The following LBH variants were observed in gnomAD, a reference collection of about 807,000 sequenced individuals.
LBH encodes the protein protein LBH.
In LBH, 7 loss-of-function variants were observed where a neutral mutation model predicts 12.5. The observed-to-expected ratio is 0.56, with a 90% CI of 0.32 to 1.05. LBH has a LOEUF of 1.05. Among genes scored for constraint, LBH ranks in the 50% least tolerant of loss-of-function variants. The probability of loss-of-function intolerance (pLI) is 0.04; values close to 1 mark genes in which losing one functional copy is unlikely to be tolerated. For synonymous variants in LBH, 51 were observed against 50.1 expected (o/e 1.02, Z -0.08); for missense variants, 119 against 138.9 (o/e 0.86, Z 0.72).
chr2:30,246,808 C>A (rs74796885), intron 2 of LBH, among the ~76,000 whole-genome samples: 4 of 95,686 alleles, frequency 4.2e-5, no homozygotes, highest in Non-Finnish European at 5.7e-5. Flanking sequence ...TCACTCACTC[C>A]CTCCCTCCCT....
chr2:30,252,587 A>G (rs1351072790), intron 2 of LBH, among the ~76,000 whole-genome samples: 1 of 152,094 alleles, frequency 6.6e-6, no homozygotes, highest in African/African-American at 2.4e-5. Flanking sequence ...GCGTGAACCC[A>G]GGAGGCGGAG....
At position 30,259,179 on chromosome 2, in the gene LBH, G is replaced by T. The variant is rs917509530; in HGVS notation, c.*1558G>T. 6.5e-6 allele frequency: 1 copy of T among 152,766 alleles called. No individual in the cohort carries two copies. Among genetic ancestry groups the T allele is most frequent in the Non-Finnish European group, 1.5e-5 (1 of 68,106 alleles). The allele number at this position is 152,766 out of a possible 1,614,324, so 9.5% of individuals were successfully genotyped here. On this transcript the variant is annotated 3_prime_UTR_variant, in exon 3 of 3. Coordinates refer to ENST00000395323, the MANE Select transcript of LBH (RefSeq NM_030915.4). ...TCCAGGTTGACCCTCAGTTCTGGACGTGTGTATATAGCTGTATTTAATACC... is the reference window on the plus strand; with the variant it reads ...TCCAGGTTGACCCTCAGTTCTGGACTTGTGTATATAGCTGTATTTAATACC...
At chr2:30,235,146 A>G (rs1398636559) in intron 2 of LBH, among the ~76,000 whole-genome samples, 1 of 152,204 alleles carries the variant, frequency 6.6e-6, no homozygotes, top group South Asian at 2.1e-4. Context: ...AAAAGGGACC[A>G]GAGTGAGCCC....
rs1678164861 is a variant in LBH at position 30,259,811 on chromosome 2, C to A, written c.*2190C>A. 6.6e-6 allele frequency: 1 copy of A among 151,802 alleles called. No homozygotes were observed. Among genetic ancestry groups the A allele is most frequent in the South Asian group, 2.1e-4 (1 of 4,782 alleles). 9.4% of individuals were successfully genotyped at this position (151,802 alleles called of 1,614,324 possible). A position where few individuals can be genotyped will look rare whatever the true frequency, so the allele number is the denominator to read the frequency against. On this transcript the variant is annotated 3_prime_UTR_variant, in exon 3 of 3. Transcript: ENST00000395323. ...ACAAGTGGCTGAGCTCCTATCTGGC[C>A]TCCTCTTTTTTTTTTTTTCAAGTAA...
chr2:30,234,237 T>TCACA, intron 1 of LBH, 168 bp from the exon 2 acceptor site: 2 of 602,146 alleles, frequency 3.3e-6, no homozygotes, highest in Non-Finnish European at 6.0e-6. Flanking sequence ...GCTGTGGGCT[T>TCACA]GCAAGGCGCT....
chr2:30,247,048 C>T (rs115958496), intron 2 of LBH, among the ~76,000 whole-genome samples: 8,070 of 151,898 alleles, frequency 0.053, 737 homozygotes, highest in African/African-American at 0.18. Context: ...CTTGAAATCC[C>T]GGCCTCCAGC....
chr2:30,232,992 C>G (rs1677620188), intron 1 of LBH: 1 of 152,318 alleles, frequency 6.6e-6, no homozygotes, highest in Non-Finnish European at 1.5e-5. Flanking sequence ...CAAGTTCCCC[C>G]ACCCCGAGGC....
rs189642391 is a variant in LBH at position 30,235,845 on chromosome 2, T to C, written c.129+1338T>C. ...GGAGGCCCCTTTGTGTTGTCTATAT[T>C]GGCAGGCCTGTCTTGAAATAAGTAG... On this transcript the variant is annotated intron_variant, in intron 2 of 2. Transcript: ENST00000395323. Among the ~76,000 whole-genome samples, 536 of 152,278 alleles carry C rather than the reference T, an allele frequency of 3.5e-3. 5 individuals carry two copies. Among genetic ancestry groups the C allele is most frequent in the African/African-American group, 0.012 (515 of 41,556 alleles).
chr2:30,246,845 A>C (rs1572381020), intron 2 of LBH, among the ~76,000 whole-genome samples: 1 of 111,686 alleles, frequency 9.0e-6, no homozygotes, highest in Non-Finnish European at 1.7e-5. Flanking sequence ...TCTTTCTTTC[A>C]GCGTTTTGCT....
At chr2:30,243,813 G>GCC (rs1677828525) in intron 2 of LBH, among the ~76,000 whole-genome samples, 1 of 151,888 alleles carries the variant, frequency 6.6e-6, no homozygotes, top group Non-Finnish European at 1.5e-5. Context: ...ACAGACGTGA[G>GCC]CCACTGCGCC....
At chr2:30,252,302 C>G (rs542985617) in intron 2 of LBH, among the ~76,000 whole-genome samples, 1 of 152,146 alleles carries the variant, frequency 6.6e-6, no homozygotes, top group Non-Finnish European at 1.5e-5. Flanking sequence ...TGTTTGCTTC[C>G]GCTTCCACCA....
At chr2:30,244,306 G>A (rs1294345104) in intron 2 of LBH, among the ~76,000 whole-genome samples, 1 of 152,150 alleles carries the variant, frequency 6.6e-6, no homozygotes, top group Non-Finnish European at 1.5e-5. Flanking sequence ...TTGAGTGTTA[G>A]AGATTTGTAT....
At chr2:30,232,057 C>A (rs1677596454) in intron 1 of LBH, 1 of 1,461,374 alleles carries the variant, frequency 6.8e-7, no homozygotes, top group South Asian at 1.3e-5. Context: ...GTGAATCCCC[C>A]CCAATGAAAC....
In LBH at chr2:30,234,521, G is replaced by A. The variant is rs556265183; in HGVS notation, c.129+14G>A. On this transcript the variant is annotated intron_variant, in intron 2 of 2. Transcript: ENST00000395323. Reference sequence around the variant, plus strand: ...CTTTCCTACCAGGTGAGTAAGTCCTGGCTCCCCTCTGACTCTCTAGAGCCT... The same window carrying A: ...CTTTCCTACCAGGTGAGTAAGTCCTAGCTCCCCTCTGACTCTCTAGAGCCT... 527 of 1,587,408 alleles carry A rather than the reference G, an allele frequency of 3.3e-4. 8 individuals carry two copies. The South Asian group carries it at 5.6e-3, about 17-fold the overall frequency.
At chr2:30,245,960 CTT>C (rs11345537) in intron 2 of LBH, among the ~76,000 whole-genome samples, 21,663 of 139,826 alleles carry the variant, frequency 0.15, 2,086 homozygotes, top group Admixed American at 0.26. Flanking sequence ...CTTACATAGT[CTT>C]TTTTTTTTTT....
chr2:30,252,842 G>A (rs910422021), intron 2 of LBH, among the ~76,000 whole-genome samples: 4 of 152,186 alleles, frequency 2.6e-5, no homozygotes, highest in Non-Finnish European at 4.4e-5. Flanking sequence ...AAGGTGTAGG[G>A]CTGGGAGAAT....
intron 2 of LBH, among the ~76,000 whole-genome samples, chr2:30,254,963 T>C (rs1020452605): frequency 2.6e-5 from 4 of 152,246 alleles, no homozygotes; most frequent in African/African-American, 9.6e-5. Context: ...CCTGCTCAGT[T>C]TTCCATCTGT....
intron 2 of LBH, among the ~76,000 whole-genome samples, chr2:30,241,901 A>G (rs191196501): frequency 2.8e-4 from 43 of 152,254 alleles, no homozygotes; most frequent in Middle Eastern, 3.4e-3. Flanking sequence ...CACACGTTGC[A>G]TTTTGCTGCT....
rs1678129801 is a variant in LBH, at chr2:30,258,743, C to T, written c.*1122C>T. 6.6e-6 allele frequency: 1 copy of T among 152,338 alleles called. No individual in the cohort carries two copies. The highest frequency in any genetic ancestry group is 1.5e-5 in the Non-Finnish European group (1 of 68,170). 9.4% of individuals were successfully genotyped at this position (152,338 alleles called of 1,614,324 possible). On this transcript the variant is annotated 3_prime_UTR_variant, in exon 3 of 3. Transcript: ENST00000395323. ...AGAGCAGACGTGGCTTTTTATGTGT[C>T]TTGTTGGGGAGGTGACTTGCATGGT...
Sources: gnomAD v4.1 joint callset for allele counts (sites outside exome capture counted in the v4.1 genomes callset) on GRCh38, gnomAD v4.1.1 for gene constraint, MANE v1.5 for transcripts, NCBI Gene and HGNC (gene_info 2026-07-23, HGNC 2026-07-21) for gene names.